Variants in CEPT1 observed in about 807,000 individuals in gnomAD.
CEPT1 encodes choline/ethanolaminephosphotransferase 1.
Under a neutral mutation model 42.6 loss-of-function variants are expected in CEPT1, and 7 were observed. The observed-to-expected ratio is 0.16, with a 90% CI of 0.09 to 0.31. The LOEUF (loss-of-function observed/expected upper bound fraction) is 0.31, where lower values mean the gene tolerates loss of function less well. Among genes scored for constraint, CEPT1 ranks in the 10% least tolerant of loss-of-function variants. The probability of loss-of-function intolerance (pLI) is 1.00; values close to 1 mark genes in which losing one functional copy is unlikely to be tolerated. For missense variants in CEPT1, 306 were observed against 502.1 expected (o/e 0.61, Z 3.73); for synonymous variants, 171 against 171.9 (o/e 0.99, Z 0.04).
At chr1:111,155,286 C>G (rs1655500137) in intron 2 of CEPT1, among the ~76,000 whole-genome samples, 5 of 151,970 alleles carry the variant, frequency 3.3e-5, no homozygotes. Context: ...ATGACAACCT[C>G]TAATGATCTT....
intron 4 of CEPT1, among the ~76,000 whole-genome samples, chr1:111,170,681 C>A (rs1299432504): frequency 6.6e-6 from 1 of 152,138 alleles, no homozygotes; most frequent in Admixed American, 6.5e-5. Context: ...TCTGGTTATC[C>A]ATAAGTTACC....
chr1:111,171,763 A>G (rs968461486), intron 4 of CEPT1, among the ~76,000 whole-genome samples: 5 of 152,180 alleles, frequency 3.3e-5, no homozygotes, highest in Non-Finnish European at 7.3e-5. Context: ...TTTGAGACAG[A>G]GTTTTGCTCT....
In CEPT1 at chr1:111,184,833, T is replaced by C. The variant is rs1439446534; in HGVS notation, c.*523T>C. ...GATTGAAAAGTTTCCTATCTTTACA[T>C]TGTTGAGGAAGTCCTTTTTTTTTTT... On this transcript the variant is annotated 3_prime_UTR_variant, in exon 9 of 9. Transcript: ENST00000357172. 3 of 151,436 alleles carry C rather than the reference T, an allele frequency of 2.0e-5. No homozygotes were observed. The highest frequency in any genetic ancestry group is 6.6e-5 in the Admixed American group (1 of 15,148). 9.4% of individuals were successfully genotyped at this position (151,436 alleles called of 1,614,324 possible).
At chr1:111,164,055 T>C (rs1189365971) in intron 4 of CEPT1, among the ~76,000 whole-genome samples, 1 of 152,222 alleles carries the variant, frequency 6.6e-6, no homozygotes, top group Non-Finnish European at 1.5e-5. Context: ...TAAAATAGAA[T>C]GTTTGCCAGA....
chr1:111,158,546 A>C (rs913386965), intron 2 of CEPT1, among the ~76,000 whole-genome samples: 15 of 152,326 alleles, frequency 9.8e-5, no homozygotes, highest in African/African-American at 3.4e-4. Context: ...TTACAAACTC[A>C]AATAAATTTG....
intron 2 of CEPT1, among the ~76,000 whole-genome samples, chr1:111,153,223 G>A (rs964173149): frequency 2.0e-5 from 3 of 151,914 alleles, no homozygotes; most frequent in Non-Finnish European, 4.4e-5. Flanking sequence ...AGAACTTGCA[G>A]TATTTATCTT....
intron 4 of CEPT1, among the ~76,000 whole-genome samples, chr1:111,174,559 T>G (rs1380455427): frequency 6.6e-6 from 1 of 150,516 alleles, no homozygotes; most frequent in Non-Finnish European, 1.5e-5. Context: ...ACTCAAAATT[T>G]AATACCTCCT....
At chr1:111,160,319 C>T (rs894363875) in intron 3 of CEPT1, 6 of 152,102 alleles carry the variant, frequency 3.9e-5, no homozygotes, top group Non-Finnish European at 7.4e-5. Context: ...TCATCCCTCC[C>T]CTCTTTTATT....
chr1:111,156,228 AT>A (rs560917150), intron 2 of CEPT1, among the ~76,000 whole-genome samples: 47 of 152,212 alleles, frequency 3.1e-4, no homozygotes, highest in Admixed American at 2.9e-3. Context: ...CTTGTTATTG[AT>A]TTCTAGTTTT....
At chr1:111,157,867 A>T in intron 2 of CEPT1, among the ~76,000 whole-genome samples, 1 of 152,366 alleles carries the variant, frequency 6.6e-6, no homozygotes. Context: ...TGTTATTTGC[A>T]TCTCTGAGTG....
intron 4 of CEPT1, among the ~76,000 whole-genome samples, chr1:111,164,429 G>C (rs375012319): frequency 6.6e-6 from 1 of 152,174 alleles, no homozygotes; most frequent in Non-Finnish European, 1.5e-5. Flanking sequence ...AATGGGGTTA[G>C]AGGCTAGAAT....
rs117771487 is a variant in CEPT1, at chr1:111,142,883, G to A, written c.-74+2576G>A. The stretch of plus-strand genomic sequence containing the variant: ...TAGAGCCAGATTTTAACAGAGGAAC[G>A]GAGTTACTGATTACAAGTGAAAAGG... On this transcript the variant is annotated intron_variant, in intron 1 of 8. Transcript: ENST00000357172. Among the ~76,000 whole-genome samples the A allele has an allele frequency of 2.1e-3, 325 of 152,246 alleles. 8 individuals are homozygous for A. In the East Asian group the frequency reaches 0.053, roughly 25 times the overall value.
chr1:111,183,026 C>T, intron 7 of CEPT1, 69 bp downstream of exon 7: 1 of 1,457,658 alleles, frequency 6.9e-7, no homozygotes, highest in Non-Finnish European at 9.4e-7. Context: ...GGCTATAGTT[C>T]TCATTCTGTA....
In CEPT1 at chr1:111,158,187, AT is replaced by A. The variant is rs539549357; in HGVS notation, c.340-1192del. ...CAAAACCTTGTCTCTACTAAAAAAA[AT>A]AAAATAAAATAAAAAATTAGCCAGG... On this transcript the variant is annotated intron_variant, in intron 2 of 8. Coordinates refer to ENST00000357172, the MANE Select transcript of CEPT1 (RefSeq NM_006090.5). 4.5e-3 allele frequency among the ~76,000 whole-genome samples: 685 copies of A among 152,180 alleles called. 4 individuals are homozygous for A. Among genetic ancestry groups the A allele is most frequent in the Middle Eastern group, 0.031 (9 of 294 alleles).
rs113408265 is a variant in CEPT1 at position 111,157,360 on chromosome 1, T to C, written c.340-2020T>C. ...CAGAGGTATTCAGCAGAATTTTCTA[T>C]GAAGATGGGCATGTTCTATGTCTGT... On this transcript the variant is annotated intron_variant, in intron 2 of 8. Transcript: ENST00000357172. Among the ~76,000 whole-genome samples, 918 of 152,346 alleles carry C rather than the reference T, an allele frequency of 6.0e-3. 11 individuals are homozygous for C. Among genetic ancestry groups the C allele is most frequent in the African/African-American group, 0.021 (867 of 41,566 alleles).
chr1:111,164,890 T>C (rs1048402097), intron 4 of CEPT1, among the ~76,000 whole-genome samples: 4 of 151,804 alleles, frequency 2.6e-5, no homozygotes, highest in African/African-American at 4.8e-5. Flanking sequence ...CCCAAAGTGC[T>C]GGGATTAGGT....
At chr1:111,143,549 A>G (rs1187929744) in intron 1 of CEPT1, 1 of 152,134 alleles carries the variant, frequency 6.6e-6, no homozygotes, top group East Asian at 1.9e-4. Context: ...GAAACTGGTA[A>G]TCTATTTTCT....
At chr1:111,179,970 G>A (rs1335506117) in intron 5 of CEPT1, 1 of 152,132 alleles carries the variant, frequency 6.6e-6, no homozygotes, top group African/African-American at 2.4e-5. Context: ...TTTGCGCCTA[G>A]GTCAATAGCT....
chr1:111,142,630 G>A (rs1041278446), intron 1 of CEPT1, among the ~76,000 whole-genome samples: 5 of 152,152 alleles, frequency 3.3e-5, no homozygotes, highest in Non-Finnish European at 5.9e-5. Context: ...TCCAGCCTGT[G>A]CTACAGAGCG....
Sources: gnomAD v4.1 joint callset for allele counts (sites outside exome capture counted in the v4.1 genomes callset) on GRCh38, gnomAD v4.1.1 for gene constraint, MANE v1.5 for transcripts, NCBI Gene and HGNC (gene_info 2026-07-23, HGNC 2026-07-21) for gene names.